Variants in SNRNP200 observed in about 807,000 individuals in gnomAD.
SNRNP200 encodes U5 small nuclear ribonucleoprotein 200 kDa helicase.
In SNRNP200, 66 loss-of-function variants were observed where a neutral mutation model predicts 255.2. That is an observed-to-expected ratio of 0.26 (90% CI 0.21 to 0.32). The LOEUF is 0.32. SNRNP200 is among the 10% of genes least tolerant of loss of function. SNRNP200 has a pLI of 1.00. For synonymous variants in SNRNP200, 939 were observed against 1,027.8 expected, an observed-to-expected ratio of 0.91 and a Z score of 1.65; for missense variants, 1,585 against 2,749.8, an observed-to-expected ratio of 0.58 and a Z score of 9.47.
At position 96,274,879 on chromosome 2, in the gene SNRNP200, C is replaced by T. The variant is rs1024985659; in HGVS notation, c.*133G>A. 4.9e-5 allele frequency: 47 copies of T among 950,916 alleles called. No individual in the cohort carries two copies. In the East Asian group the frequency reaches 5.5e-4, roughly 11 times the overall value. The allele number at this position is 950,916 out of a possible 1,614,324, so 58.9% of individuals were successfully genotyped here. On this transcript the variant is annotated 3_prime_UTR_variant, in exon 45 of 45. Coordinates refer to ENST00000323853, the MANE Select transcript of SNRNP200 (RefSeq NM_014014.5). ...GCAAGGGAAAGGAAGTGGAGGTAGG[C>T]GGGGACAGCACCAGCCCTGGCTGGC...
At chr2:96,295,695 AAGGGGC>A in intron 13 of SNRNP200, 37 bp from the exon 14 acceptor site, 1 of 1,608,352 alleles carries the variant, frequency 6.2e-7, no homozygotes. Flanking sequence ...GGAATGCTTG[AAGGGGC>A]CTGGACACCA....
rs2063911317 is a variant in SNRNP200, at chr2:96,295,519, G to A, written c.1811C>T (p.Thr604Ile). 4 of 1,613,820 alleles carry A rather than the reference G, an allele frequency of 2.5e-6. No individual in the cohort carries two copies. Among genetic ancestry groups the A allele is most frequent in the South Asian group, 1.1e-5 (1 of 91,076 alleles). ...GATGAGCCGCACCAGCTGGGTGTAG[G>A]TGCGCTCACCACCCTTGCGGGTGAT... Reference protein sequence around the residue: ...DIITRKGGERTYTQLVRLIIL... With the variant: ...DIITRKGGERIYTQLVRLIIL... The change falls in exon 14 of 45, where the codon ACC becomes ATC. Residue 604 changes from threonine (T) to isoleucine (I), a missense_variant. Coordinates refer to ENST00000323853, the MANE Select transcript of SNRNP200 (RefSeq NM_014014.5).
In SNRNP200 at chr2:96,277,721, C is replaced by T. The variant is rs776021987; in HGVS notation, c.5755-6G>A. 5 of 1,614,120 alleles carry T rather than the reference C, an allele frequency of 3.1e-6. No individual in the cohort carries two copies. In the South Asian group the frequency reaches 3.3e-5, roughly 11 times the overall value. On this transcript the variant is annotated splice_polypyrimidine_tract_variant and splice_region_variant and intron_variant, in intron 40 of 44. Transcript: ENST00000323853. The surrounding 1 kb of genome is among the most constrained non-coding windows in gnomAD (Gnocchi z 4.4). ...GCCTGGATGAGCCGGATTGCCTGAA[C>T]AGGAAAAGGAGTATAAAAGTGGGCG...
Position 96,297,019 on chromosome 2 carries a change from C to A in SNRNP200, c.1429G>T (p.Gly477Cys). The A allele has an allele frequency of 6.2e-7, 1 of 1,614,168 alleles. No individual in the cohort carries two copies. The highest frequency in any genetic ancestry group is 8.5e-7 in the Non-Finnish European group (1 of 1,180,022). The change falls in exon 12 of 45, where the codon GGC (glycine) becomes TGC (cysteine). Residue 477 changes from glycine to cysteine, a missense_variant. Transcript: ENST00000323853. ...TGGATCCGATTCAGTGTTTTGAAGCCCTCAAACCCAGCCTGGGCATACTTT... is the reference window on the plus strand; with the variant it reads ...TGGATCCGATTCAGTGTTTTGAAGCACTCAAACCCAGCCTGGGCATACTTT... Reference protein sequence around the residue: ...LPKYAQAGFEGFKTLNRIQSK... With the variant: ...LPKYAQAGFECFKTLNRIQSK...
chr2:96,301,481 C>T, intron 4 of SNRNP200, 43 bp downstream of exon 4: 2 of 1,597,062 alleles, frequency 1.3e-6, no homozygotes, highest in Non-Finnish European at 1.7e-6. Flanking sequence ...TAGGGGTCAA[C>T]AACAACCAAT....
At position 96,301,060 on chromosome 2, in the gene SNRNP200, C is replaced by A; in HGVS notation, c.575-7G>T. 6.2e-7 allele frequency: 1 copy of A among 1,613,744 alleles called. No individual in the cohort carries two copies. ...GTCTCATCAATGTTGTCATCTGAAA[C>A]AATGAAGGATTAGAAAAAGAGGGCA... On this transcript the variant is annotated splice_region_variant and splice_polypyrimidine_tract_variant and intron_variant, in intron 4 of 44. Transcript: ENST00000323853.
Position 96,278,381 on chromosome 2 carries a change from G to T in SNRNP200, c.5489-23C>A. ...GCTCTGACAGAAAAAGGAAATGTGAGAGAAGCTAAAACCAGGCAGAGAAGG... is the reference window on the plus strand; with the variant it reads ...GCTCTGACAGAAAAAGGAAATGTGATAGAAGCTAAAACCAGGCAGAGAAGG... On this transcript the variant is annotated intron_variant, in intron 38 of 44. Coordinates refer to ENST00000323853, the MANE Select transcript of SNRNP200 (RefSeq NM_014014.5). The surrounding 1 kb of genome is among the most constrained non-coding windows in gnomAD (Gnocchi z 6.9). 1 of 1,613,994 alleles carries T rather than the reference G, an allele frequency of 6.2e-7. No individual in the cohort carries two copies. The highest frequency in any genetic ancestry group is 1.1e-5 in the South Asian group (1 of 91,056).
rs1684683830 is a variant in SNRNP200, at chr2:96,277,265, GGAAA to G, written c.5932-28_5932-25del. ...CCCTGCAGTGAGTATTCAGACGTCA[GGAAA>G]GAGAGAACACGGGCCAACAGCAAAT... On this transcript the variant is annotated intron_variant, in intron 41 of 44. Transcript: ENST00000323853. The surrounding 1 kb of genome is among the most constrained non-coding windows in gnomAD (Gnocchi z 4.4). 2 of 1,613,734 alleles carry G rather than the reference GGAAA, an allele frequency of 1.2e-6. No homozygotes were observed. Among genetic ancestry groups the G allele is most frequent in the East Asian group, 2.2e-5 (1 of 44,876 alleles).
intron 5 of SNRNP200, among the ~76,000 whole-genome samples, chr2:96,300,542 A>T (rs1003381726): frequency 6.6e-6 from 1 of 152,164 alleles, no homozygotes; most frequent in Non-Finnish European, 1.5e-5. Flanking sequence ...GGGGCGGATC[A>T]CCTGAGGTCA....
At position 96,287,014 on chromosome 2, in the gene SNRNP200, C is replaced by G; in HGVS notation, c.3631G>C (p.Asp1211His). The G allele has an allele frequency of 6.2e-7, 1 of 1,614,200 alleles. No homozygotes were observed. The highest frequency in any genetic ancestry group is 8.5e-7 in the Non-Finnish European group (1 of 1,180,032). The change falls in exon 27 of 45, where the codon GAT becomes CAT. Residue 1211 changes from aspartate (D) to histidine (H), a missense_variant. This residue lies in a region of SNRNP200 where 719 missense variants were observed against 1,091.1 expected (regional missense o/e 0.66). Transcript: ENST00000323853. The surrounding 1 kb of genome is among the most constrained non-coding windows in gnomAD (Gnocchi z 5.7). The stretch of plus-strand genomic sequence containing the variant: ...GCCCAGCAAAGCCTCACCTTTTCAT[C>G]CCACTGGAAGTCTGGCGTGATGGTC... ...ELTITPDFQW[D>H]EKVHGSSEAF...
Position 96,289,811 on chromosome 2 carries a change from C to T in SNRNP200, c.2928G>A (p.Thr976=), listed in dbSNP as rs375734152. ...KNNLVKYDKK[T]GNFQVTELGR... ...TCACCCCACGCACCTGGAAGTTGCCCGTCTTCTTGTCGTACTTGACCAGAT... is the reference window on the plus strand; with the variant it reads ...TCACCCCACGCACCTGGAAGTTGCCTGTCTTCTTGTCGTACTTGACCAGAT... The change falls in exon 21 of 45, where the codon ACG becomes ACA. Residue 976 remains threonine, a synonymous_variant. Transcript: ENST00000323853. 408 of 1,614,040 alleles carry T rather than the reference C, an allele frequency of 2.5e-4. No homozygotes were observed. Among genetic ancestry groups the T allele is most frequent in the Admixed American group, 7.7e-4 (46 of 60,028 alleles).
chr2:96,297,258 C>A, intron 11 of SNRNP200, 105 bp downstream of exon 11: 2 of 1,538,040 alleles, frequency 1.3e-6, no homozygotes, highest in Non-Finnish European at 1.8e-6. Context: ...CAGCTTTCAG[C>A]CCTGAAATAA....
At position 96,287,855 on chromosome 2, in the gene SNRNP200, G is replaced by A; in HGVS notation, c.3365+8C>T. On this transcript the variant is annotated splice_region_variant and intron_variant, in intron 25 of 44. Transcript: ENST00000323853. The surrounding 1 kb of genome is among the most constrained non-coding windows in gnomAD (Gnocchi z 5.7). ...TGGTGACCAGCATCCAGCTCACTGG[G>A]TCCTTACATGCGTTTGTCGATCATC... The A allele has an allele frequency of 6.2e-7, 1 of 1,612,666 alleles. No homozygotes were observed.
chr2:96,288,950 G>T, intron 23 of SNRNP200, 87 bp downstream of exon 23: 1 of 1,315,396 alleles, frequency 7.6e-7, no homozygotes, highest in Non-Finnish European at 1.1e-6. Context: ...AACCACACAT[G>T]AACCCAAATT....
chr2:96,305,473 C>T lies in SNRNP200; in HGVS notation c.-36G>A, dbSNP rs1229021783. The T allele has an allele frequency of 1.9e-6, 3 of 1,613,484 alleles. No individual in the cohort carries two copies. The highest frequency in any genetic ancestry group is 1.7e-5 in the Admixed American group (1 of 60,034). ...GCTCGGAGGCTTCAGACCACCACGCCTCCCTACCGCAAGCTGCAAACGGCC... is the reference window on the plus strand; with the variant it reads ...GCTCGGAGGCTTCAGACCACCACGCTTCCCTACCGCAAGCTGCAAACGGCC... On this transcript the variant is annotated 5_prime_UTR_variant, in exon 1 of 45. Coordinates refer to ENST00000323853, the MANE Select transcript of SNRNP200 (RefSeq NM_014014.5).
rs2063913121 is a variant in SNRNP200 at position 96,295,769 on chromosome 2, G to T, written c.1672-111C>A. On this transcript the variant is annotated intron_variant, in intron 13 of 44. Coordinates refer to ENST00000323853, the MANE Select transcript of SNRNP200 (RefSeq NM_014014.5). ...ATTGGGAGCAGGTATCAACCCATCAGGTGAATACAAGGCGAATCAGATCTT... is the reference window on the plus strand; with the variant it reads ...ATTGGGAGCAGGTATCAACCCATCATGTGAATACAAGGCGAATCAGATCTT... 9.1e-6 allele frequency: 10 copies of T among 1,098,686 alleles called. No homozygotes were observed. The Admixed American group carries it at 1.8e-4, about 19-fold the overall frequency. 68.1% of individuals were successfully genotyped at this position (1,098,686 alleles called of 1,614,324 possible). A position where few individuals can be genotyped will look rare whatever the true frequency, so the allele number is the denominator to read the frequency against.
Position 96,283,376 on chromosome 2 carries a change from A to G in SNRNP200, c.4764-24T>C. On this transcript the variant is annotated intron_variant, in intron 33 of 44. Transcript: ENST00000323853. The surrounding 1 kb of genome is among the most constrained non-coding windows in gnomAD (Gnocchi z 4.7). ...ACCTGTGCGGTACAGGCACTGGCTC[A>G]GCTCAGAGTAGTTCAATTCCTGGCA... The G allele has an allele frequency of 5.6e-6, 9 of 1,614,098 alleles. No individual in the cohort carries two copies. The highest frequency in any genetic ancestry group is 1.1e-5 in the South Asian group (1 of 91,080).
intron 43 of SNRNP200, chr2:96,276,496 G>A (rs1160038792): frequency 3.8e-5 from 9 of 236,100 alleles, no homozygotes; most frequent in East Asian, 9.8e-5. Context: ...ATCTCGGCTC[G>A]CTGCAGCCTC....
intron 24 of SNRNP200, among the ~76,000 whole-genome samples, chr2:96,288,170 G>A (rs1248132989): frequency 6.6e-6 from 1 of 152,206 alleles, no homozygotes; most frequent in Admixed American, 6.5e-5. Context: ...GAAGAGTGCT[G>A]CGGCTCAAGG....
Sources: allele counts gnomAD v4.1 joint callset (sites outside exome capture counted in the v4.1 genomes callset), GRCh38; gene constraint gnomAD v4.1.1; regional missense constraint gnomAD v4.1.1; non-coding constraint Gnocchi (gnomAD v3.1); transcripts MANE v1.5; gene names NCBI Gene and HGNC (gene_info 2026-07-23, HGNC 2026-07-21).